OVGP1: variants seen among roughly 807,000 people sequenced by gnomAD.
OVGP1 encodes oviductal glycoprotein 1.
Under a neutral mutation model 48.2 loss-of-function variants are expected in OVGP1, and 26 were observed. The ratio of observed to expected loss-of-function variants is 0.54; its 90% CI spans 0.40 to 0.75. OVGP1 has a LOEUF of 0.75. Among genes scored for constraint, OVGP1 ranks in the 30% least tolerant of loss-of-function variants. OVGP1 has a pLI of 0.00. For missense variants in OVGP1, 791 were observed against 820.6 expected, an observed-to-expected ratio of 0.96 and a Z score of 0.44; for synonymous variants, 294 against 305.7, an observed-to-expected ratio of 0.96 and a Z score of 0.40.
intron 9 of OVGP1, among the ~76,000 whole-genome samples, chr1:111,418,357 T>C (rs1003291454): frequency 1.3e-5 from 2 of 152,210 alleles, no homozygotes; most frequent in Non-Finnish European, 2.9e-5. Flanking sequence ...TAATCTTTCC[T>C]GTTTGTGTCT....
At chr1:111,416,202 G>C in intron 10 of OVGP1, 121 bp downstream of exon 10, 1 of 1,124,444 alleles carries the variant, frequency 8.9e-7, no homozygotes, top group Non-Finnish European at 1.2e-6. Context: ...GCCTGGCAAA[G>C]CTTTTTCTCT....
In OVGP1 at chr1:111,416,427, C is replaced by T; in HGVS notation, c.1052G>A (p.Gly351Glu). The T allele has an allele frequency of 6.2e-7, 1 of 1,606,128 alleles. No homozygotes were observed. Among genetic ancestry groups the T allele is most frequent in the Non-Finnish European group, 8.5e-7 (1 of 1,176,282 alleles). Reference sequence around the variant, plus strand: ...CATGTCCAATGTCCACACCATGGCCCCCCCAAAATGCTCTCGCCTTATAAA... The same window carrying T: ...CATGTCCAATGTCCACACCATGGCCTCCCCAAAATGCTCTCGCCTTATAAA... The part of the protein sequence containing the change: ...AWFIRREHFG[G>E]AMVWTLDMDD... The change falls in exon 10 of 11, where the codon GGG becomes GAG. Residue 351 changes from glycine to glutamate, a missense_variant. Physicochemically the swap from Gly to Glu is moderately conservative, Grantham distance 98 (BLOSUM62 -2). Transcript: ENST00000369732.
rs1022305661 is a variant in OVGP1, at chr1:111,414,607, C to G, written c.1894G>C (p.Glu632Gln). The change falls in exon 11 of 11, where the codon GAA (glutamate) becomes CAA (glutamine). Residue 632 changes from glutamate to glutamine, a missense_variant. Transcript: ENST00000369732. ...LSSSPVIQLP[E>Q]QTPLAFDNRF... ...TTGTCAAAAGCTAGAGGAGTTTGTT[C>G]CGGGAGCTGGATGACGGGGCTGGAG... 6.2e-7 allele frequency: 1 copy of G among 1,614,136 alleles called. No individual in the cohort carries two copies. The highest frequency in any genetic ancestry group is 8.5e-7 in the Non-Finnish European group (1 of 1,180,020).
chr1:111,418,715 C>T (rs1356933582), intron 9 of OVGP1, among the ~76,000 whole-genome samples: 1 of 152,142 alleles, frequency 6.6e-6, no homozygotes, highest in African/African-American at 2.4e-5. Context: ...CCTCTGTGTC[C>T]ACGCCCAGAG....
At chr1:111,424,686 C>T (rs1652355813) in intron 4 of OVGP1, among the ~76,000 whole-genome samples, 1 of 152,234 alleles carries the variant, frequency 6.6e-6, no homozygotes, top group African/African-American at 2.4e-5. Flanking sequence ...AGCTAGTTCT[C>T]ACCCCCCTGC....
At chr1:111,417,414 T>C (rs530452031) in intron 9 of OVGP1, among the ~76,000 whole-genome samples, 1 of 152,380 alleles carries the variant, frequency 6.6e-6, no homozygotes, top group South Asian at 2.1e-4. Context: ...CAGTGCTCTC[T>C]GTCAAGTCTG....
Position 111,423,598 on chromosome 1 carries a change from G to C in OVGP1, c.428C>G (p.Pro143Arg). 1 of 1,614,148 alleles carries C rather than the reference G, an allele frequency of 6.2e-7. No homozygotes were observed. Among genetic ancestry groups the C allele is most frequent in the African/African-American group, 1.3e-5 (1 of 75,018 alleles). ...FDGLDLFFLY[P>R]GLRGSPMHDR... ...ATGCATGGGGCTGCCTCTTAGTCCAGGATATAAGAAGAAAAGGTCAAGACC... is the reference window on the plus strand; with the variant it reads ...ATGCATGGGGCTGCCTCTTAGTCCACGATATAAGAAGAAAAGGTCAAGACC... Residue 143 changes from proline to arginine, a missense_variant, in exon 5 of 11, where the codon CCT becomes CGT. Coordinates refer to ENST00000369732, the MANE Select transcript of OVGP1 (RefSeq NM_002557.4).
intron 8 of OVGP1, among the ~76,000 whole-genome samples, chr1:111,420,540 T>A (rs927536029): frequency 6.6e-6 from 1 of 152,218 alleles, no homozygotes; most frequent in Non-Finnish European, 1.5e-5. Flanking sequence ...ACCTGGGAAG[T>A]CCTTCCCGTC....
intron 8 of OVGP1, among the ~76,000 whole-genome samples, chr1:111,420,198 C>A (rs1652231345): frequency 6.6e-6 from 1 of 152,176 alleles, no homozygotes; most frequent in Non-Finnish European, 1.5e-5. Context: ...AACTAGGTTG[C>A]TATAAATAAT....
Position 111,415,167 on chromosome 1 carries a change from G to A in OVGP1, c.1334C>T (p.Thr445Ile), listed in dbSNP as rs755617091. The stretch of plus-strand genomic sequence containing the variant: ...AGGGGTCACAGTTGTACCTCTAGGG[G>A]TTATAGTCATATTTTCACACTTTCC... The part of the protein sequence containing the change: ...IHGKCENMTI[T>I]PRGTTVTPTK... Residue 445 changes from threonine to isoleucine, a missense_variant, in exon 11 of 11, where the codon ACC (threonine) becomes ATC (isoleucine). Thr to Ile is a moderately conservative substitution (Grantham distance 89). Transcript: ENST00000369732. The A allele has an allele frequency of 2.5e-6, 4 of 1,614,152 alleles. No homozygotes were observed. Among genetic ancestry groups the A allele is most frequent in the Non-Finnish European group, 3.4e-6 (4 of 1,180,020 alleles).
In OVGP1 at chr1:111,426,447, G is replaced by C. The variant is rs1652399152; in HGVS notation, c.250C>G (p.Leu84Val). The stretch of plus-strand genomic sequence containing the variant: ...CCAATATGAACACACCTCTCCTTTA[G>C]TTTGTTGAACTCTGGGTAGAGAATT... ...EKILYPEFNK[L>V]KERNRELKTL... The change falls in exon 3 of 11, where the codon CTA (leucine) becomes GTA (valine). Residue 84 changes from leucine (L) to valine (V), a missense_variant. Coordinates refer to ENST00000369732, the MANE Select transcript of OVGP1 (RefSeq NM_002557.4). 4.3e-6 allele frequency: 7 copies of C among 1,614,114 alleles called. No homozygotes were observed. The highest frequency in any genetic ancestry group is 5.9e-6 in the Non-Finnish European group (7 of 1,179,984).
chr1:111,415,406 C>T (rs528641092), intron 10 of OVGP1, 62 bp from the exon 11 acceptor site: 2 of 1,473,234 alleles, frequency 1.4e-6, no homozygotes, highest in Non-Finnish European at 1.8e-6. Flanking sequence ...CTATTAATTA[C>T]TGGCAGAACT....
rs1286401493 is a variant in OVGP1, at chr1:111,423,587, C to T, written c.439G>A (p.Gly147Ser). ...GTCCACCGGTCATGCATGGGGCTGCCTCTTAGTCCAGGATATAAGAAGAAA... is the reference window on the plus strand; with the variant it reads ...GTCCACCGGTCATGCATGGGGCTGCTTCTTAGTCCAGGATATAAGAAGAAA... ...DLFFLYPGLRGSPMHDRWTFL... is the reference protein window; with the variant it reads ...DLFFLYPGLRSSPMHDRWTFL... Residue 147 changes from glycine to serine, a missense_variant, in exon 5 of 11, where the codon GGC becomes AGC. Physicochemically the swap from Gly to Ser is moderately conservative, Grantham distance 56 (BLOSUM62 0). Coordinates refer to ENST00000369732, the MANE Select transcript of OVGP1 (RefSeq NM_002557.4). The T allele has an allele frequency of 4.3e-6, 7 of 1,614,046 alleles. No individual in the cohort carries two copies. Among genetic ancestry groups the T allele is most frequent in the East Asian group, 2.2e-5 (1 of 44,900 alleles).
At chr1:111,422,898 C>T in intron 6 of OVGP1, 29 bp downstream of exon 6, 4 of 1,613,302 alleles carry the variant, frequency 2.5e-6, no homozygotes, top group African/African-American at 1.3e-5. Context: ...CCACCAATGT[C>T]CTGCCCCACC....
At chr1:111,417,183 C>T (rs1652157305) in intron 9 of OVGP1, among the ~76,000 whole-genome samples, 1 of 152,246 alleles carries the variant, frequency 6.6e-6, no homozygotes, top group Admixed American at 6.5e-5. Context: ...TTCCCCACCT[C>T]ATTAATCACC....
chr1:111,419,562 A>T (rs761316488), intron 9 of OVGP1, 48 bp downstream of exon 9: 1 of 1,103,172 alleles, frequency 9.1e-7, no homozygotes, highest in Non-Finnish European at 1.4e-6. Flanking sequence ...ACCCCATAGA[A>T]ACCGGTAGGA....
In OVGP1 at chr1:111,426,978, T is replaced by TGG. The variant is rs1652415687; in HGVS notation, c.55+82_55+83dup. On this transcript the variant is annotated intron_variant, in intron 2 of 10. Coordinates refer to ENST00000369732, the MANE Select transcript of OVGP1 (RefSeq NM_002557.4). ...CCCTGTCAGAGAAGCCAGGGCAAGG[T>TGG]GGGCTGCAGGGGACACTCAATGTGG... 3.7e-6 allele frequency: 6 copies of TGG among 1,608,774 alleles called. No individual in the cohort carries two copies. In the Admixed American group the frequency reaches 1.0e-4, roughly 27 times the overall value.
Position 111,414,527 on chromosome 1 carries a change from T to C in OVGP1, c.1974A>G (p.Gln658=), listed in dbSNP as rs1004587307. The part of the protein sequence containing the change: ...NHSSVNSVTP[Q]TSPLSLKKEI... ...CTTTTTTTAGAGAAAGAGGACTTGT[T>C]TGAGGGGTTACTGAGTTGACAGAGG... The change falls in exon 11 of 11, where the codon CAA becomes CAG. Residue 658 remains glutamine, a synonymous_variant. Coordinates refer to ENST00000369732, the MANE Select transcript of OVGP1 (RefSeq NM_002557.4). 7 of 1,614,168 alleles carry C rather than the reference T, an allele frequency of 4.3e-6. No homozygotes were observed. Among genetic ancestry groups the C allele is most frequent in the Non-Finnish European group, 5.9e-6 (7 of 1,179,994 alleles).
At chr1:111,415,445 TC>T in intron 10 of OVGP1, 101 bp from the exon 11 acceptor site, 1 of 1,043,376 alleles carries the variant, frequency 9.6e-7, no homozygotes, top group Non-Finnish European at 1.4e-6. Context: ...AAGTACCTGC[TC>T]CAAAAATTCA....
Sources: gnomAD v4.1 joint callset for allele counts (sites outside exome capture counted in the v4.1 genomes callset) on GRCh38, gnomAD v4.1.1 for gene constraint, MANE v1.5 for transcripts, NCBI Gene and HGNC (gene_info 2026-07-23, HGNC 2026-07-21) for gene names.